Variants in PIK3AP1 observed in about 807,000 individuals in gnomAD.
PIK3AP1 encodes the protein phosphoinositide-3-kinase adaptor protein 1, also known as phosphoinositide 3-kinase adapter protein 1.
PIK3AP1 carries 21 observed loss-of-function variants against 88.1 expected under a neutral mutation model. The observed-to-expected ratio is 0.24, with a 90% CI of 0.17 to 0.34. The LOEUF (loss-of-function observed/expected upper bound fraction) is 0.34, where lower values mean the gene tolerates loss of function less well. Among genes scored for constraint, PIK3AP1 ranks in the 10% least tolerant of loss-of-function variants. The pLI, the probability that PIK3AP1 is intolerant of heterozygous loss-of-function variation, is 1.00. For missense variants in PIK3AP1, 828 were observed against 1,035.7 expected, an observed-to-expected ratio of 0.80 and a Z score of 2.75; for synonymous variants, 398 against 400.0, an observed-to-expected ratio of 1.00 and a Z score of 0.06.
rs1314171005 is a variant in PIK3AP1, at chr10:96,594,247, GA to G, written c.*1329del. ...CAGTCGTACTTTGGTATCCATGGGG[GA>G]TTGGTTCCAGGATCCCCCAGTATCA... On this transcript the variant is annotated 3_prime_UTR_variant, in exon 17 of 17. Coordinates refer to ENST00000339364, the MANE Select transcript of PIK3AP1 (RefSeq NM_152309.3). This position sits in a 1 kb window ranked among gnomAD's most constrained non-coding sequence, Gnocchi z 4.6. 1.3e-5 allele frequency: 2 copies of G among 152,252 alleles called. No individual in the cohort carries two copies. Among genetic ancestry groups the G allele is most frequent in the East Asian group, 3.9e-4 (2 of 5,186 alleles). The allele number at this position is 152,252 out of a possible 1,614,324, so 9.4% of individuals were successfully genotyped here.
chr10:96,621,814 CTG>C (rs2134202785), intron 11 of PIK3AP1: 1 of 152,250 alleles, frequency 6.6e-6, no homozygotes, highest in East Asian at 1.9e-4. Context: ...TAATTCCTTA[CTG>C]TGTGGGTGTG....
chr10:96,662,603 G>A (rs1263593095), intron 2 of PIK3AP1, among the ~76,000 whole-genome samples: 1 of 151,372 alleles, frequency 6.6e-6, no homozygotes, highest in Non-Finnish European at 1.5e-5. Context: ...AACTCCGGCC[G>A]GGCGCGGTGG....
chr10:96,623,342 C>A, intron 11 of PIK3AP1, 130 bp downstream of exon 11: 1 of 894,108 alleles, frequency 1.1e-6, no homozygotes, highest in Non-Finnish European at 1.7e-6. Flanking sequence ...GGACTACAGG[C>A]GTGAGCCATG....
At chr10:96,624,993 A>G (rs74151392) in intron 10 of PIK3AP1, among the ~76,000 whole-genome samples, 2,832 of 152,320 alleles carry the variant, frequency 0.019, 96 homozygotes, top group African/African-American at 0.065. Context: ...AGAACCCGAG[A>G]CAAGGATTCA....
At chr10:96,635,142 C>G (rs1843296128) in intron 8 of PIK3AP1, among the ~76,000 whole-genome samples, 1 of 152,180 alleles carries the variant, frequency 6.6e-6, no homozygotes, top group Admixed American at 6.5e-5. Context: ...CATCTGTAAT[C>G]TTAATTCTCC....
intron 1 of PIK3AP1, among the ~76,000 whole-genome samples, chr10:96,715,354 C>T (rs868711990): frequency 6.6e-6 from 1 of 152,094 alleles, no homozygotes; most frequent in Non-Finnish European, 1.5e-5. Flanking sequence ...TAACGTAGTA[C>T]CTGAGATGGG....
At chr10:96,709,513 G>C in intron 2 of PIK3AP1, 54 bp downstream of exon 2, 1 of 1,534,838 alleles carries the variant, frequency 6.5e-7, no homozygotes, top group Non-Finnish European at 8.8e-7. Flanking sequence ...TTACACCTAG[G>C]ACCTGGATTA....
chr10:96,605,003 G>T (rs1333710077), intron 14 of PIK3AP1, among the ~76,000 whole-genome samples: 1 of 152,128 alleles, frequency 6.6e-6, no homozygotes, highest in Non-Finnish European at 1.5e-5. Flanking sequence ...GGGACTACAG[G>T]CACGTGCCAC....
At chr10:96,617,715 C>T (rs991154670) in intron 12 of PIK3AP1, among the ~76,000 whole-genome samples, 8 of 152,156 alleles carry the variant, frequency 5.3e-5, no homozygotes, top group East Asian at 3.9e-4. Context: ...CAGGACACAC[C>T]GCTGACTGGG....
intron 8 of PIK3AP1, among the ~76,000 whole-genome samples, chr10:96,629,035 A>T (rs1194832941): frequency 6.6e-6 from 1 of 150,774 alleles, no homozygotes; most frequent in Non-Finnish European, 1.5e-5. Flanking sequence ...CAGCCTCCCA[A>T]GTAGCTAGGA....
rs1432030819 is a variant in PIK3AP1, at chr10:96,679,845, AAG to A, written c.431-22913_431-22912del. ...CACTTCACAACAAGGTCCAGAGGAA[AAG>A]AGAAAAATATTCCCACGAGCATGGA... On this transcript the variant is annotated intron_variant, in intron 2 of 16. Transcript: ENST00000339364. 2.0e-5 allele frequency among the ~76,000 whole-genome samples: 3 copies of A among 152,200 alleles called. No homozygotes were observed. In the East Asian group the frequency reaches 5.8e-4, roughly 29 times the overall value.
At chr10:96,630,590 T>A (rs1843231201) in intron 8 of PIK3AP1, among the ~76,000 whole-genome samples, 1 of 151,898 alleles carries the variant, frequency 6.6e-6, no homozygotes, top group South Asian at 2.1e-4. Flanking sequence ...ATCCCAGCAC[T>A]TTGGAAGGCT....
At chr10:96,698,809 T>C (rs1844255476) in intron 2 of PIK3AP1, among the ~76,000 whole-genome samples, 2 of 152,168 alleles carry the variant, frequency 1.3e-5, no homozygotes, top group Admixed American at 6.5e-5. Flanking sequence ...CAGATGCTCA[T>C]TCAATACCTT....
chr10:96,661,133 G>A (rs1318769889), intron 2 of PIK3AP1, among the ~76,000 whole-genome samples: 1 of 151,900 alleles, frequency 6.6e-6, no homozygotes, highest in Non-Finnish European at 1.5e-5. Context: ...AGGTTGCAGT[G>A]AGCTGAGATT....
intron 2 of PIK3AP1, among the ~76,000 whole-genome samples, chr10:96,662,092 C>T (rs1196477444): frequency 6.6e-6 from 1 of 152,132 alleles, no homozygotes; most frequent in Non-Finnish European, 1.5e-5. Context: ...AAATTTAAAA[C>T]TTTAGTAAAC....
chr10:96,633,491 A>G (rs1360357655), intron 8 of PIK3AP1, among the ~76,000 whole-genome samples: 1 of 152,220 alleles, frequency 6.6e-6, no homozygotes, highest in Non-Finnish European at 1.5e-5. Context: ...CATGAGTATT[A>G]AATTAGGAGG....
chr10:96,677,110 G>A (rs1182027607), intron 2 of PIK3AP1, among the ~76,000 whole-genome samples: 1 of 152,136 alleles, frequency 6.6e-6, no homozygotes, highest in African/African-American at 2.4e-5. Flanking sequence ...AGTGAGGAAG[G>A]GCTGAGCCCA....
intron 1 of PIK3AP1, among the ~76,000 whole-genome samples, chr10:96,718,380 A>G (rs1844529723): frequency 6.6e-6 from 1 of 152,378 alleles, no homozygotes; most frequent in African/African-American, 2.4e-5. Flanking sequence ...CAAAGCCCAC[A>G]GCACCTTGGC....
At chr10:96,700,925 T>A in intron 2 of PIK3AP1, 1 of 973,662 alleles carries the variant, frequency 1.0e-6, no homozygotes, top group Non-Finnish European at 1.2e-6. Flanking sequence ...TCTGAGCCCC[T>A]TGGGACTACT....
Sources: allele counts gnomAD v4.1 joint callset (sites outside exome capture counted in the v4.1 genomes callset), GRCh38; gene constraint gnomAD v4.1.1; non-coding constraint Gnocchi (gnomAD v3.1); transcripts MANE v1.5; gene names NCBI Gene and HGNC (gene_info 2026-07-23, HGNC 2026-07-21).